PVT1: variants seen among roughly 807,000 people sequenced by gnomAD.
PVT1 encodes the protein Pvt1 oncogene.
chr8:127,829,388 C>A (rs535997392), intron 2 of PVT1, among the ~76,000 whole-genome samples: 1 of 152,298 alleles, frequency 6.6e-6, no homozygotes, highest in South Asian at 2.1e-4. Context: ...TTTAAGGCCC[C>A]AGTGCCTTTA....
intron 4 of PVT1, among the ~76,000 whole-genome samples, chr8:128,015,356 C>G (rs1817360916): frequency 6.6e-6 from 1 of 152,072 alleles, no homozygotes; most frequent in South Asian, 2.1e-4. Flanking sequence ...TCCCAAAATG[C>G]TGGGATTACA....
At chr8:127,896,914 C>T (rs1452399107) in intron 3 of PVT1, among the ~76,000 whole-genome samples, 1 of 152,036 alleles carries the variant, frequency 6.6e-6, no homozygotes, top group African/African-American at 2.4e-5. Flanking sequence ...TGTTTGCTCT[C>T]TAAATGTTAG....
chr8:128,058,818 C>T (rs1293413135), intron 4 of PVT1, among the ~76,000 whole-genome samples: 1 of 152,148 alleles, frequency 6.6e-6, no homozygotes, highest in African/African-American at 2.4e-5. Context: ...GACAGACGAC[C>T]ATGTCCTCGA....
chr8:127,804,666 A>C (rs1478491361), intron 2 of PVT1, among the ~76,000 whole-genome samples: 1 of 147,768 alleles, frequency 6.8e-6, no homozygotes, highest in Non-Finnish European at 1.5e-5. Flanking sequence ...TTGGCCTCCG[A>C]GTAGCTGGGA....
chr8:128,100,223 C>T (rs543940577), intron 6 of PVT1, among the ~76,000 whole-genome samples: 104 of 143,230 alleles, frequency 7.3e-4, no homozygotes, highest in African/African-American at 2.5e-3. Context: ...TATTTTATAT[C>T]TTTATGTAAA....
At chr8:127,953,910 G>A (rs1010006388) in intron 3 of PVT1, among the ~76,000 whole-genome samples, 2 of 152,128 alleles carry the variant, frequency 1.3e-5, no homozygotes, top group Non-Finnish European at 2.9e-5. Flanking sequence ...CCCAACTACA[G>A]AAGATACATA....
chr8:128,098,660 A>C (rs989272445), intron 6 of PVT1, among the ~76,000 whole-genome samples: 21 of 152,148 alleles, frequency 1.4e-4, no homozygotes, highest in Non-Finnish European at 2.6e-4. Flanking sequence ...TATATTAGAG[A>C]TAATATGGTT....
intron 2 of PVT1, among the ~76,000 whole-genome samples, chr8:127,820,851 G>A (rs114323395): frequency 0.049 from 7,526 of 152,150 alleles, 270 homozygotes; most frequent in South Asian, 0.14. Context: ...CTGGATTACA[G>A]ACATGCACCA....
chr8:128,025,572 A>G (rs1208574657), intron 4 of PVT1, among the ~76,000 whole-genome samples: 2 of 152,202 alleles, frequency 1.3e-5, no homozygotes, highest in East Asian at 3.8e-4. Context: ...ATCTGAAAGA[A>G]TTTGCCATAC....
At chr8:127,961,072 T>G (rs541063040) in intron 3 of PVT1, among the ~76,000 whole-genome samples, 1 of 150,326 alleles carries the variant, frequency 6.7e-6, no homozygotes, top group East Asian at 1.9e-4. Context: ...GGACTTAGGG[T>G]GGTCAGGGGA....
chr8:127,823,606 A>G (rs917940708), intron 2 of PVT1, among the ~76,000 whole-genome samples: 1 of 152,032 alleles, frequency 6.6e-6, no homozygotes, highest in African/African-American at 2.4e-5. Flanking sequence ...ACCCTCAGCA[A>G]TGTCCCGGGA....
At chr8:127,813,676 A>G (rs978310455) in intron 2 of PVT1, among the ~76,000 whole-genome samples, 5 of 152,086 alleles carry the variant, frequency 3.3e-5, no homozygotes, top group African/African-American at 1.2e-4. Flanking sequence ...GGGAATACAA[A>G]TGGTCCCTGT....
intron 4 of PVT1, among the ~76,000 whole-genome samples, chr8:127,991,378 T>C (rs1052685563): frequency 1.3e-5 from 2 of 152,044 alleles, no homozygotes; most frequent in African/African-American, 4.8e-5. Context: ...TCTCCTGACC[T>C]TGTGATCTGC....
chr8:127,797,735 A>G (rs1200179952), intron 2 of PVT1, among the ~76,000 whole-genome samples: 2 of 152,200 alleles, frequency 1.3e-5, no homozygotes, highest in South Asian at 2.1e-4. Flanking sequence ...CTACAACTCC[A>G]TGAGGCATTT....
At chr8:127,875,497 G>A (rs76144106) in intron 2 of PVT1, among the ~76,000 whole-genome samples, 20,862 of 152,148 alleles carry the variant, frequency 0.14, 1,868 homozygotes, top group African/African-American at 0.26. Flanking sequence ...CATAGTAAAG[G>A]ACTGAAGGAT....
At position 127,898,254 on chromosome 8, in the gene PVT1, GAAGA is replaced by G. The variant is rs1316903628; in HGVS notation, n.782+7265_782+7268del. Among the ~76,000 whole-genome samples, 8 of 151,556 alleles carry G rather than the reference GAAGA, an allele frequency of 5.3e-5. No homozygotes were observed. The highest frequency in any genetic ancestry group is 9.7e-5 in the African/African-American group (4 of 41,214). On this transcript the variant is annotated intron_variant and non_coding_transcript_variant, in intron 3 of 10. Coordinates refer to ENST00000651587, the Ensembl canonical transcript of PVT1. The surrounding 1 kb of genome is among the most constrained non-coding windows in gnomAD (Gnocchi z 4.4). ...GAAAGAAAGAAAGAAACGAAGGAAG[GAAGA>G]AAGAAAGAGTGTAAAGAAATAAAAG...
chr8:127,841,610 G>T (rs1814975677), intron 2 of PVT1, among the ~76,000 whole-genome samples: 1 of 152,152 alleles, frequency 6.6e-6, no homozygotes, highest in African/African-American at 2.4e-5. Flanking sequence ...GAGGCTAAAT[G>T]CCATGGCTGA....
intron 3 of PVT1, among the ~76,000 whole-genome samples, chr8:127,919,836 C>A (rs1487527647): frequency 1.3e-5 from 2 of 152,248 alleles, no homozygotes; most frequent in Non-Finnish European, 2.9e-5. Context: ...AGGTTTTCTT[C>A]CCTTTCCTTC....
At chr8:127,850,795 G>A (rs913503251) in intron 2 of PVT1, among the ~76,000 whole-genome samples, 2 of 152,156 alleles carry the variant, frequency 1.3e-5, no homozygotes, top group Admixed American at 1.3e-4. Context: ...GAAGTGGGTG[G>A]ATCACCTGAG....
Sources: gnomAD v4.1 joint callset for allele counts (sites outside exome capture counted in the v4.1 genomes callset) on GRCh38, gnomAD v4.1.1 for gene constraint, Gnocchi (gnomAD v3.1) non-coding constraint, MANE v1.5 for transcripts, NCBI Gene and HGNC (gene_info 2026-07-23, HGNC 2026-07-21) for gene names.